The following PTPRT variants were observed in gnomAD, a reference collection of about 807,000 sequenced individuals.
PTPRT encodes the protein protein tyrosine phosphatase receptor type T, also known as receptor-type tyrosine-protein phosphatase T.
PTPRT carries 56 observed loss-of-function variants against 176.8 expected under a neutral mutation model. That is an observed-to-expected ratio of 0.32 (90% CI 0.26 to 0.40). The LOEUF is 0.40. Among genes scored for constraint, PTPRT ranks in the 10% least tolerant of loss-of-function variants. The probability of loss-of-function intolerance (pLI) is 1.00; values close to 1 mark genes in which losing one functional copy is unlikely to be tolerated. For synonymous variants in PTPRT, 783 were observed against 739.0 expected (o/e 1.06, Z -0.96); for missense variants, 1,540 against 1,908.2 (o/e 0.81, Z 3.60).
chr20:43,085,154 T>C (rs1171243604), intron 1 of PTPRT, among the ~76,000 whole-genome samples: 1 of 152,166 alleles, frequency 6.6e-6, no homozygotes, highest in Admixed American at 6.5e-5. Flanking sequence ...CTGCAGAGCT[T>C]CCAGGGCCCT....
intron 2 of PTPRT, among the ~76,000 whole-genome samples, chr20:42,842,992 G>C (rs1331677474): frequency 6.6e-6 from 1 of 152,154 alleles, no homozygotes; most frequent in Non-Finnish European, 1.5e-5. Context: ...ATTTGGAAGA[G>C]GGAGATACGA....
intron 16 of PTPRT, among the ~76,000 whole-genome samples, chr20:42,162,724 T>C (rs1989658434): frequency 1.3e-5 from 2 of 152,264 alleles, no homozygotes; most frequent in African/African-American, 4.8e-5. Context: ...GCCTATGCCA[T>C]ACTCATTCCC....
intron 7 of PTPRT, among the ~76,000 whole-genome samples, chr20:42,541,022 G>A (rs2072569493): frequency 6.6e-6 from 1 of 152,148 alleles, no homozygotes; most frequent in Non-Finnish European, 1.5e-5. Context: ...CAGGTGAAAA[G>A]TGTTTGCAAC....
At chr20:42,883,216 T>A (rs1048842580) in intron 2 of PTPRT, among the ~76,000 whole-genome samples, 5 of 152,250 alleles carry the variant, frequency 3.3e-5, no homozygotes, top group African/African-American at 1.2e-4. Flanking sequence ...GGAGAATGGA[T>A]TAAAGTCCAA....
chr20:42,800,292 G>A (rs530538362), intron 2 of PTPRT, among the ~76,000 whole-genome samples: 6 of 152,282 alleles, frequency 3.9e-5, no homozygotes, highest in East Asian at 3.9e-4. Context: ...ATGTGGGCAC[G>A]TTGTGTTTGA....
intron 9 of PTPRT, among the ~76,000 whole-genome samples, chr20:42,395,139 C>T (rs2058837298): frequency 6.6e-6 from 1 of 152,150 alleles, no homozygotes; most frequent in Non-Finnish European, 1.5e-5. Flanking sequence ...CCATTTCAGT[C>T]TCATTTTCAG....
chr20:42,910,514 G>A (rs1772914289), intron 1 of PTPRT, among the ~76,000 whole-genome samples: 1 of 152,204 alleles, frequency 6.6e-6, no homozygotes, highest in Non-Finnish European at 1.5e-5. Flanking sequence ...GACAGGATGA[G>A]CTTAAAGGAA....
chr20:42,084,722 G>C lies in PTPRT; in HGVS notation c.4096C>G (p.Gln1366Glu), dbSNP rs1555857585. 1.3e-6 allele frequency: 2 copies of C among 1,567,104 alleles called. No homozygotes were observed. Among genetic ancestry groups the C allele is most frequent in the East Asian group, 4.6e-5 (2 of 43,292 alleles). ...VVRRLEKWQE[Q>E]YDGREGRTVV... ...GTACGTCCCTCCCTCCCGTCATACTGCTCCTGCCACTTCTCCAGTCGTCGG... is the reference window on the plus strand; with the variant it reads ...GTACGTCCCTCCCTCCCGTCATACTCCTCCTGCCACTTCTCCAGTCGTCGG... Residue 1366 changes from glutamine (Q) to glutamate (E), a missense_variant, in exon 29 of 31, where the codon CAG becomes GAG. This residue lies in a region of PTPRT where 342 missense variants were observed against 394.0 expected (regional missense o/e 0.87). Transcript: ENST00000373187.
At chr20:42,175,178 T>A (rs1422018425) in intron 16 of PTPRT, among the ~76,000 whole-genome samples, 2 of 152,162 alleles carry the variant, frequency 1.3e-5, no homozygotes, top group African/African-American at 4.8e-5. Flanking sequence ...TCAAACTTTT[T>A]ATTGGATGCC....
At chr20:43,042,994 C>A (rs969690491) in intron 1 of PTPRT, among the ~76,000 whole-genome samples, 28 of 152,194 alleles carry the variant, frequency 1.8e-4, no homozygotes, top group African/African-American at 6.3e-4. Context: ...GTGTACTGGG[C>A]AATAGCCCAT....
Position 42,142,021 on chromosome 20 carries a change from G to T in PTPRT, c.2683-19C>A. On this transcript the variant is annotated intron_variant, in intron 17 of 30. Coordinates refer to ENST00000373187, the MANE Select transcript of PTPRT (RefSeq NM_007050.6). The stretch of plus-strand genomic sequence containing the variant: ...GTAAGGCCTAAAAAGCAAGGACAGA[G>T]TGGTTAGAGTGGCCTGAGATAGGAG... The T allele has an allele frequency of 3.1e-6, 5 of 1,605,074 alleles. No individual in the cohort carries two copies. Among genetic ancestry groups the T allele is most frequent in the Non-Finnish European group, 4.3e-6 (5 of 1,171,790 alleles).
chr20:42,137,195 C>A (rs905120086), intron 18 of PTPRT, among the ~76,000 whole-genome samples: 10 of 152,168 alleles, frequency 6.6e-5, no homozygotes, highest in African/African-American at 2.4e-4. Context: ...AGGACCCAGG[C>A]AATGGCCACC....
intron 1 of PTPRT, among the ~76,000 whole-genome samples, chr20:43,147,838 C>G (rs768908333): frequency 1.3e-5 from 2 of 152,128 alleles, no homozygotes; most frequent in East Asian, 3.9e-4. Context: ...AAGGTGCCTT[C>G]GGCTGAAAAA....
At chr20:42,956,370 T>C (rs1244071726) in intron 1 of PTPRT, among the ~76,000 whole-genome samples, 2 of 152,090 alleles carry the variant, frequency 1.3e-5, no homozygotes, top group Admixed American at 6.5e-5. Context: ...ATCCAGTTGT[T>C]TGAAAGTTTG....
chr20:42,978,635 G>A (rs1983096801), intron 1 of PTPRT, among the ~76,000 whole-genome samples: 1 of 152,102 alleles, frequency 6.6e-6, no homozygotes, highest in Non-Finnish European at 1.5e-5. Flanking sequence ...GATGAGATAG[G>A]AGGTCGGCAC....
At chr20:42,446,720 C>G (rs2070739859) in intron 9 of PTPRT, among the ~76,000 whole-genome samples, 1 of 151,736 alleles carries the variant, frequency 6.6e-6, no homozygotes, top group African/African-American at 2.4e-5. Context: ...CTCTCTTTCC[C>G]AAAGAAGTTT....
chr20:42,788,548 G>T (rs557010062), intron 3 of PTPRT, among the ~76,000 whole-genome samples: 5 of 152,186 alleles, frequency 3.3e-5, no homozygotes, highest in Non-Finnish European at 7.3e-5. Context: ...AGGCTACTTA[G>T]GTCCATCTCC....
intron 2 of PTPRT, among the ~76,000 whole-genome samples, chr20:42,818,374 C>A (rs1569173590): frequency 6.6e-6 from 1 of 151,432 alleles, no homozygotes. Flanking sequence ...AAAAAAAAAA[C>A]CCATTCAAGG....
chr20:43,068,247 G>C (rs1377744393), intron 1 of PTPRT, among the ~76,000 whole-genome samples: 1 of 149,606 alleles, frequency 6.7e-6, no homozygotes, highest in Non-Finnish European at 1.5e-5. Flanking sequence ...GCTCATGCCT[G>C]TAATCCCAGC....
Sources: allele counts gnomAD v4.1 joint callset (sites outside exome capture counted in the v4.1 genomes callset), GRCh38; gene constraint gnomAD v4.1.1; regional missense constraint gnomAD v4.1.1; transcripts MANE v1.5; gene names NCBI Gene and HGNC (gene_info 2026-07-23, HGNC 2026-07-21).